RGS9: variants seen among roughly 807,000 people sequenced by gnomAD.
The protein encoded by RGS9 is regulator of G protein signaling 9.
In RGS9, 78 loss-of-function variants were observed where a neutral mutation model predicts 102.0. That is an observed-to-expected ratio of 0.76 (90% CI 0.64 to 0.92). The LOEUF (loss-of-function observed/expected upper bound fraction) is 0.92. Among genes scored for constraint, RGS9 ranks in the 40% least tolerant of loss-of-function variants. The pLI, the probability that RGS9 is intolerant of heterozygous loss-of-function variation, is 0.00. For synonymous variants in RGS9, 353 were observed against 318.6 expected, an observed-to-expected ratio of 1.11 and a Z score of -1.15; for missense variants, 833 against 866.1, an observed-to-expected ratio of 0.96 and a Z score of 0.48.
At chr17:65,211,348 C>T (rs975607875) in intron 17 of RGS9, among the ~76,000 whole-genome samples, 2 of 152,194 alleles carry the variant, frequency 1.3e-5, no homozygotes, top group African/African-American at 2.4e-5. Flanking sequence ...CTTCCCATCT[C>T]CCCATCCCCT....
chr17:65,175,194 T>G (rs905824882), intron 8 of RGS9, among the ~76,000 whole-genome samples: 2 of 151,972 alleles, frequency 1.3e-5, no homozygotes, highest in African/African-American at 2.4e-5. Context: ...AGCATGCGTG[T>G]GTGAGTGTGC....
At chr17:65,140,987 C>T (rs1301357133) in intron 1 of RGS9, among the ~76,000 whole-genome samples, 1 of 152,180 alleles carries the variant, frequency 6.6e-6, no homozygotes, top group Non-Finnish European at 1.5e-5. Context: ...GCCCCTGCAG[C>T]TCCAACCTCT....
At chr17:65,153,015 T>C (rs947390578) in intron 1 of RGS9, among the ~76,000 whole-genome samples, 1 of 152,244 alleles carries the variant, frequency 6.6e-6, no homozygotes, top group African/African-American at 2.4e-5. Context: ...GAGGTCCATG[T>C]GGTCTGGCCT....
At position 65,161,745 on chromosome 17, in the gene RGS9, C is replaced by T. The variant is rs150886636; in HGVS notation, c.423+836C>T. Reference sequence around the variant, plus strand: ...TTATTTATTTATTTATTTGAGACAACGTCTTGCTCAATCACCCAGGCTGGC... The same window carrying T: ...TTATTTATTTATTTATTTGAGACAATGTCTTGCTCAATCACCCAGGCTGGC... On this transcript the variant is annotated intron_variant, in intron 6 of 18. Coordinates refer to ENST00000262406, the MANE Select transcript of RGS9 (RefSeq NM_003835.4). Among the ~76,000 whole-genome samples the T allele has an allele frequency of 3.0e-3, 453 of 150,710 alleles. 2 individuals carry two copies. Among genetic ancestry groups the T allele is most frequent in the African/African-American group, 0.01 (426 of 41,252 alleles).
rs145689742 is a variant in RGS9 at position 65,140,613 on chromosome 17, G to A, written c.57+3016G>A. ...TGGTGGGCCAGTTGCAGTGGCTCAT[G>A]CCTGTAATCCCAGCAGTTTGGGAGG... On this transcript the variant is annotated intron_variant, in intron 1 of 18. Transcript: ENST00000262406. 2.5e-3 allele frequency among the ~76,000 whole-genome samples: 376 copies of A among 152,338 alleles called. 3 individuals carry two copies. Among genetic ancestry groups the A allele is most frequent in the African/African-American group, 8.7e-3 (362 of 41,568 alleles).
intron 8 of RGS9, among the ~76,000 whole-genome samples, chr17:65,170,621 A>G (rs762318903): frequency 6.6e-6 from 1 of 152,186 alleles, no homozygotes; most frequent in Non-Finnish European, 1.5e-5. Context: ...CTCGGTCATT[A>G]GAACGTTGCC....
At chr17:65,186,266 G>A (rs1190535976) in intron 9 of RGS9, among the ~76,000 whole-genome samples, 2 of 151,056 alleles carry the variant, frequency 1.3e-5, no homozygotes, top group African/African-American at 2.4e-5. Context: ...GCATGATCTC[G>A]GCTCACTGCA....
intron 9 of RGS9, among the ~76,000 whole-genome samples, chr17:65,182,987 C>T (rs991185854): frequency 2.6e-5 from 4 of 152,126 alleles, no homozygotes; most frequent in Admixed American, 6.5e-5. Flanking sequence ...CCTGGCTGGA[C>T]GGCTATTTAC....
At chr17:65,205,053 G>A (rs547824954) in intron 15 of RGS9, among the ~76,000 whole-genome samples, 1 of 152,202 alleles carries the variant, frequency 6.6e-6, no homozygotes, top group African/African-American at 2.4e-5. Flanking sequence ...GTAAGACCCT[G>A]TGAGAATTTA....
rs761061220 is a variant in RGS9, at chr17:65,210,511, G to A, written c.1313G>A (p.Arg438His). ...AGCTCCACCCTCCCTTTTATGCGGC[G>A]TCACCTGCGCTCCAGCCCAAGCCCT... Reference protein sequence around the residue: ...KKSSTLPFMRRHLRSSPSPVI... With the variant: ...KKSSTLPFMRHHLRSSPSPVI... The change falls in exon 17 of 19, where the codon CGT (arginine) becomes CAT (histidine). Residue 438 changes from arginine (R) to histidine (H), a missense_variant. Transcript: ENST00000262406. 9.9e-6 allele frequency: 16 copies of A among 1,613,408 alleles called. No individual in the cohort carries two copies. Among genetic ancestry groups the A allele is most frequent in the African/African-American group, 2.7e-5 (2 of 74,838 alleles).
intron 17 of RGS9, among the ~76,000 whole-genome samples, chr17:65,211,912 G>T (rs574710996): frequency 8.5e-5 from 13 of 152,334 alleles, no homozygotes; most frequent in South Asian, 2.1e-4. Flanking sequence ...CATTCAGCAA[G>T]TGTTCATTGT....
intron 1 of RGS9, among the ~76,000 whole-genome samples, chr17:65,152,687 C>T (rs930946746): frequency 7.2e-5 from 11 of 152,144 alleles, no homozygotes; most frequent in East Asian, 5.8e-4. Context: ...TGTACCACCA[C>T]GCCCAGATAA....
At position 65,184,395 on chromosome 17, in the gene RGS9, A is replaced by G. The variant is rs193158293; in HGVS notation, c.655-4891A>G. 1.8e-4 allele frequency among the ~76,000 whole-genome samples: 28 copies of G among 152,288 alleles called. No individual in the cohort carries two copies. The East Asian group carries it at 2.3e-3, about 13-fold the overall frequency. ...GCCTGTGAATCCTGCATTTTATCTG[A>G]TGAGGGCTTAAATTGTGCCGCTCAC... On this transcript the variant is annotated intron_variant, in intron 9 of 18. Coordinates refer to ENST00000262406, the MANE Select transcript of RGS9 (RefSeq NM_003835.4).
intron 17 of RGS9, among the ~76,000 whole-genome samples, chr17:65,219,329 C>CA (rs1266919528): frequency 6.6e-6 from 1 of 152,212 alleles, no homozygotes; most frequent in Non-Finnish European, 1.5e-5. Flanking sequence ...TGAGGGCTTG[C>CA]AAGCATCTGT....
chr17:65,218,202 A>G (rs551273074), intron 17 of RGS9, among the ~76,000 whole-genome samples: 1 of 152,248 alleles, frequency 6.6e-6, no homozygotes, highest in Non-Finnish European at 1.5e-5. Context: ...CCAAGCAGCC[A>G]TTCAGGAAAA....
In RGS9 at chr17:65,158,339, A is replaced by C; in HGVS notation, c.199A>C (p.Ser67Arg). The C allele has an allele frequency of 6.2e-7, 1 of 1,614,044 alleles. No homozygotes were observed. The highest frequency in any genetic ancestry group is 8.5e-7 in the Non-Finnish European group (1 of 1,179,924). Residue 67 changes from serine to arginine, a missense_variant, in exon 3 of 19, where the codon AGT becomes CGT. This residue lies in a region of RGS9 where 328 missense variants were observed against 340.6 expected (regional missense o/e 0.96). Transcript: ENST00000262406. ...QWIVQRLWIS[S>R]LEAQNLGNFI... ...GATCGTCCAGCGGCTTTGGATCTCC[A>C]GTCTGGGTGAGAGCTCATCTGGCAC...
intron 1 of RGS9, among the ~76,000 whole-genome samples, chr17:65,152,255 G>A (rs1910606953): frequency 1.3e-5 from 2 of 152,190 alleles, no homozygotes; most frequent in Non-Finnish European, 2.9e-5. Context: ...AAGGCTGGCT[G>A]GGAGTGTCCT....
chr17:65,168,545 CTTTTTTTTTTTTT>C (rs5821624), intron 8 of RGS9, among the ~76,000 whole-genome samples: 1 of 85,274 alleles, frequency 1.2e-5, no homozygotes, highest in Non-Finnish European at 2.3e-5. Flanking sequence ...AGGGCTGGGA[CTTTTTTTTTTTTT>C]TTTTTTTTTG....
At chr17:65,191,391 GT>G (rs1242195861) in intron 11 of RGS9, among the ~76,000 whole-genome samples, 1 of 150,920 alleles carries the variant, frequency 6.6e-6, no homozygotes, top group Non-Finnish European at 1.5e-5. Flanking sequence ...TGTTGTTGTT[GT>G]TTTTTACCTC....
Sources: allele counts gnomAD v4.1 joint callset (sites outside exome capture counted in the v4.1 genomes callset), GRCh38; gene constraint gnomAD v4.1.1; regional missense constraint gnomAD v4.1.1; transcripts MANE v1.5; gene names NCBI Gene and HGNC (gene_info 2026-07-23, HGNC 2026-07-21).